Variants in FSAF1 observed in about 807,000 individuals in gnomAD.
The protein encoded by FSAF1 is uncharacterized protein C1orf131.
At chr1:231,224,229 G>A in the FSAF1 span, 61 of 1,571,120 alleles carry the variant, frequency 3.9e-5, no homozygotes, top group Middle Eastern at 5.1e-4. Flanking sequence ...GTCCAGGGCC[G>A]CTGCAGTTGA....
chr1:231,229,662 T>A, the FSAF1 span, among the ~76,000 whole-genome samples: 1 of 152,166 alleles, frequency 6.6e-6, no homozygotes, highest in Non-Finnish European at 1.5e-5. Context: ...TTCCACAGCC[T>A]GAAAAAAGAA....
At chr1:231,237,934 G>A in the FSAF1 span, 1 of 152,244 alleles carries the variant, frequency 6.6e-6, no homozygotes, top group African/African-American at 2.4e-5. Context: ...TGTAGTCCCA[G>A]CATTTGGGGA....
At chr1:231,224,485 C>T in the FSAF1 span, 2 of 1,464,098 alleles carry the variant, frequency 1.4e-6, no homozygotes, top group Admixed American at 2.1e-5. Flanking sequence ...TACCACCAAC[C>T]AGGCCACTGC....
the FSAF1 span, chr1:231,224,208 A>G: frequency 6.7e-7 from 1 of 1,489,584 alleles, no homozygotes; most frequent in Non-Finnish European, 9.1e-7. Flanking sequence ...ATCTATCTAG[A>G]GTCGCACAGG....
the FSAF1 span, chr1:231,225,217 A>T: frequency 1.8e-6 from 1 of 542,894 alleles, no homozygotes; most frequent in African/African-American, 1.9e-5. Flanking sequence ...TTGGAAATGT[A>T]AACTGCAGCT....
At chr1:231,234,493 A>T in the FSAF1 span, among the ~76,000 whole-genome samples, 2 of 152,204 alleles carry the variant, frequency 1.3e-5, no homozygotes, top group Non-Finnish European at 2.9e-5. This position sits in a 1 kb window ranked among gnomAD's most constrained non-coding sequence, Gnocchi z 4.0. Flanking sequence ...TTTTGAGATC[A>T]CTAGTCCAGG....
chr1:231,233,341 G>A, the FSAF1 span, among the ~76,000 whole-genome samples: 1 of 152,092 alleles, frequency 6.6e-6, no homozygotes, highest in African/African-American at 2.4e-5. Flanking sequence ...CCAACCTTTG[G>A]CACTTACTTC....
chr1:231,226,956 T>G, the FSAF1 span: 3 of 1,613,750 alleles, frequency 1.9e-6, no homozygotes, highest in Non-Finnish European at 2.5e-6. Context: ...TGATGAAAGG[T>G]AGCAGCAGCC....
chr1:231,240,976 G>C, the FSAF1 span: 4 of 1,537,170 alleles, frequency 2.6e-6, no homozygotes, highest in Non-Finnish European at 3.6e-6. The surrounding 1 kb of genome is among the most constrained non-coding windows in gnomAD (Gnocchi z 4.1). Flanking sequence ...GGAGACCCAC[G>C]TTCCTCAAAT....
chr1:231,226,415 T>A, the FSAF1 span: 1 of 385,276 alleles, frequency 2.6e-6, no homozygotes, highest in Non-Finnish European at 4.8e-6. Context: ...ATGCCAGTGC[T>A]ATGCTTTCCA....
At chr1:231,225,237 G>A in the FSAF1 span, 1 of 556,658 alleles carries the variant, frequency 1.8e-6, no homozygotes, top group Non-Finnish European at 3.2e-6. Context: ...TTTTCCACTA[G>A]TCACTTAGAG....
the FSAF1 span, chr1:231,238,830 G>A: frequency 1.8e-5 from 29 of 1,576,292 alleles, no homozygotes; most frequent in African/African-American, 4.1e-5. Flanking sequence ...GGTTCACCAC[G>A]TATATATAAG....
At chr1:231,225,376 CT>C in the FSAF1 span, 1 of 1,212,766 alleles carries the variant, frequency 8.2e-7, no homozygotes. Context: ...CTCTAATGGG[CT>C]AGCAACACCA....
At chr1:231,233,479 G>A in the FSAF1 span, among the ~76,000 whole-genome samples, 1 of 152,136 alleles carries the variant, frequency 6.6e-6, no homozygotes, top group Admixed American at 6.5e-5. Flanking sequence ...TAGGGTCCAA[G>A]GCAGTAATCC....
At chr1:231,224,223 A>AG in the FSAF1 span, 1 of 1,563,412 alleles carries the variant, frequency 6.4e-7, no homozygotes, top group Non-Finnish European at 8.7e-7. Context: ...CACAGGGTCC[A>AG]GGGCCGCTGC....
the FSAF1 span, among the ~76,000 whole-genome samples, chr1:231,240,394 G>A: frequency 6.6e-6 from 1 of 152,294 alleles, no homozygotes; most frequent in South Asian, 2.1e-4. This position sits in a 1 kb window ranked among gnomAD's most constrained non-coding sequence, Gnocchi z 4.1. Context: ...TGCAAAGGGT[G>A]TCACCTTCTC....
chr1:231,238,832 A>T, the FSAF1 span: 1 of 1,582,298 alleles, frequency 6.3e-7, no homozygotes, highest in Non-Finnish European at 8.6e-7. Context: ...TTCACCACGT[A>T]TATATAAGCT....
At chr1:231,227,288 G>A in the FSAF1 span, among the ~76,000 whole-genome samples, 1 of 152,072 alleles carries the variant, frequency 6.6e-6, no homozygotes, top group African/African-American at 2.4e-5. Flanking sequence ...CTTTGAGACA[G>A]GGTCTTGCTC....
the FSAF1 span, chr1:231,241,061 T>C: frequency 1.2e-6 from 2 of 1,614,168 alleles, no homozygotes; most frequent in Non-Finnish European, 1.7e-6. Flanking sequence ...CGTCAAGAAG[T>C]GTCGGAGAAC....
Sources: allele counts gnomAD v4.1 joint callset (sites outside exome capture counted in the v4.1 genomes callset), GRCh38; gene constraint gnomAD v4.1.1; non-coding constraint Gnocchi (gnomAD v3.1); transcripts MANE v1.5; gene names NCBI Gene and HGNC (gene_info 2026-07-23, HGNC 2026-07-21).